The following CALN1 variants were observed in gnomAD, a reference collection of about 807,000 sequenced individuals.
CALN1 encodes calneuron 1, also known as calcium-binding protein 8.
A neutral mutation model predicts 30.6 loss-of-function variants in CALN1; 17 were observed. That is an observed-to-expected ratio of 0.56 (90% CI 0.38 to 0.83). CALN1 has a LOEUF of 0.83. CALN1 is among the 40% of genes least tolerant of loss of function. The pLI is 0.00. For synonymous variants in CALN1, 156 were observed against 131.4 expected (o/e 1.19, Z -1.28); for missense variants, 291 against 354.9 (o/e 0.82, Z 1.45).
intron 5 of CALN1, among the ~76,000 whole-genome samples, chr7:71,839,910 C>A (rs968076121): frequency 6.6e-6 from 1 of 152,098 alleles, no homozygotes; most frequent in Non-Finnish European, 1.5e-5. Flanking sequence ...GGAAGGTGGA[C>A]CCCTCTCTCT....
chr7:71,910,151 T>A (rs1794350388), intron 5 of CALN1, among the ~76,000 whole-genome samples: 1 of 152,118 alleles, frequency 6.6e-6, no homozygotes, highest in South Asian at 2.1e-4. Flanking sequence ...CAATTCAAGG[T>A]GAGATTTGGA....
rs142943424 is a variant in CALN1, at chr7:72,075,544, G to A, written c.388+30607C>T. On this transcript the variant is annotated intron_variant, in intron 4 of 6. Coordinates refer to ENST00000395275, the MANE Select transcript of CALN1 (RefSeq NM_031468.4). ...CTTACTCTACAGCCTACCCTGAAGGGTGACGGCCACAGAGAAAGTGCTCAG... is the reference window on the plus strand; with the variant it reads ...CTTACTCTACAGCCTACCCTGAAGGATGACGGCCACAGAGAAAGTGCTCAG... Among the ~76,000 whole-genome samples the A allele has an allele frequency of 4.5e-3, 679 of 152,274 alleles. 3 individuals carry two copies. Among genetic ancestry groups the A allele is most frequent in the African/African-American group, 0.016 (651 of 41,546 alleles).
intron 3 of CALN1, among the ~76,000 whole-genome samples, chr7:72,211,269 T>C (rs550551781): frequency 2.0e-5 from 3 of 152,226 alleles, no homozygotes; most frequent in East Asian, 3.9e-4. Context: ...CTGGGCCAGG[T>C]AGAGTTCCTC....
chr7:72,178,265 T>G (rs1789508983), intron 3 of CALN1, among the ~76,000 whole-genome samples: 1 of 152,196 alleles, frequency 6.6e-6, no homozygotes, highest in African/African-American at 2.4e-5. Context: ...GAGAATTATT[T>G]CAGCTTGACA....
At chr7:72,077,254 A>T (rs1179598921) in intron 4 of CALN1, among the ~76,000 whole-genome samples, 1 of 151,918 alleles carries the variant, frequency 6.6e-6, no homozygotes, top group Non-Finnish European at 1.5e-5. Context: ...AGCTGGGGCA[A>T]AGAAGGAATA....
At chr7:72,422,854 C>T (rs75998851) in intron 1 of CALN1, among the ~76,000 whole-genome samples, 2,203 of 152,274 alleles carry the variant, frequency 0.014, 33 homozygotes, top group Non-Finnish European at 0.021. Flanking sequence ...TTTGGCTGAG[C>T]GCATCGGCTC....
intron 3 of CALN1, among the ~76,000 whole-genome samples, chr7:72,128,476 C>G (rs11974003): frequency 0.31 from 47,141 of 152,020 alleles, 7,802 homozygotes; most frequent in Non-Finnish European, 0.35. Flanking sequence ...ACTCATAATT[C>G]CTATTACAAA....
intron 2 of CALN1, among the ~76,000 whole-genome samples, chr7:72,386,706 G>A (rs573101683): frequency 6.6e-6 from 1 of 152,226 alleles, no homozygotes; most frequent in African/African-American, 2.4e-5. Context: ...TGTAATCATA[G>A]CTCACTGCAA....
intron 2 of CALN1, among the ~76,000 whole-genome samples, chr7:72,355,159 C>T (rs919812921): frequency 3.3e-5 from 5 of 152,288 alleles, no homozygotes; most frequent in South Asian, 2.1e-4. Context: ...CCGCCCACCT[C>T]GGTCTCCCAA....
chr7:72,206,674 T>C (rs201245678), intron 3 of CALN1, among the ~76,000 whole-genome samples: 2 of 86,676 alleles, frequency 2.3e-5, no homozygotes, highest in African/African-American at 6.5e-5. Context: ...AGGCTAAAAT[T>C]TGTTTTTGTT....
intron 5 of CALN1, among the ~76,000 whole-genome samples, chr7:71,857,696 C>T (rs763348791): frequency 2.0e-5 from 3 of 152,136 alleles, no homozygotes; most frequent in Non-Finnish European, 4.4e-5. Context: ...AAGGGCTCTG[C>T]GATCCTTCAT....
At chr7:71,946,367 CTTT>C (rs34207419) in intron 5 of CALN1, among the ~76,000 whole-genome samples, 13 of 128,652 alleles carry the variant, frequency 1.0e-4, no homozygotes, top group Admixed American at 2.5e-4. Context: ...TTCTTTCTTT[CTTT>C]TTTTTTTTTT....
chr7:72,213,692 G>C (rs954154252), intron 3 of CALN1, among the ~76,000 whole-genome samples: 9 of 152,188 alleles, frequency 5.9e-5, no homozygotes, highest in African/African-American at 2.2e-4. Context: ...GGACAGAGGG[G>C]ATGGCAGCTC....
At chr7:72,315,439 C>G (rs1034408955) in intron 2 of CALN1, among the ~76,000 whole-genome samples, 36 of 152,066 alleles carry the variant, frequency 2.4e-4, no homozygotes, top group Non-Finnish European at 4.9e-4. Flanking sequence ...AACACAAAAC[C>G]ACTTTAGCTG....
chr7:71,914,767 T>C (rs1248620995), intron 5 of CALN1, among the ~76,000 whole-genome samples: 2 of 152,170 alleles, frequency 1.3e-5, no homozygotes, highest in Admixed American at 6.5e-5. Context: ...TGTCTCATTG[T>C]AGTTTTGATC....
At position 72,402,231 on chromosome 7, in the gene CALN1, CAAGTT is replaced by C. The variant is rs569638379; in HGVS notation, c.119+1015_119+1019del. Reference sequence around the variant, plus strand: ...CTCCTGCCCTTGACTTCTCAAATGTCAAGTTGTGTTGGAGAAGATTCTGAACAGAG... The same window carrying C: ...CTCCTGCCCTTGACTTCTCAAATGTCGTGTTGGAGAAGATTCTGAACAGAG... On this transcript the variant is annotated intron_variant, in intron 2 of 6. Transcript: ENST00000395275. Among the ~76,000 whole-genome samples, 91 of 152,348 alleles carry C rather than the reference CAAGTT, an allele frequency of 6.0e-4. 3 individuals are homozygous for C. In the South Asian group the frequency reaches 0.018, roughly 30 times the overall value.
chr7:72,376,909 A>G (rs1245864295), intron 2 of CALN1, among the ~76,000 whole-genome samples: 1 of 152,196 alleles, frequency 6.6e-6, no homozygotes, highest in Non-Finnish European at 1.5e-5. Context: ...GCATGTGGAC[A>G]TTCAGTTGTC....
At chr7:72,264,560 C>T (rs1167919585) in intron 3 of CALN1, among the ~76,000 whole-genome samples, 3 of 151,110 alleles carry the variant, frequency 2.0e-5, no homozygotes, top group African/African-American at 7.3e-5. Context: ...GTGGTGCGAT[C>T]ATAGCTCATT....
chr7:72,109,170 T>C lies in CALN1; in HGVS notation c.245-2876A>G, dbSNP rs190444134. The stretch of plus-strand genomic sequence containing the variant: ...TAAGGATCATATATTAGTAGTAAAT[T>C]CATTATCAATACTAATCCAGCATGC... On this transcript the variant is annotated intron_variant, in intron 3 of 6. Coordinates refer to ENST00000395275, the MANE Select transcript of CALN1 (RefSeq NM_031468.4). Among the ~76,000 whole-genome samples, 26 of 152,310 alleles carry C rather than the reference T, an allele frequency of 1.7e-4. 1 individual carries two copies. The South Asian group carries it at 2.7e-3, about 16-fold the overall frequency.
Sources: gnomAD v4.1 joint callset for allele counts (sites outside exome capture counted in the v4.1 genomes callset) on GRCh38, gnomAD v4.1.1 for gene constraint, MANE v1.5 for transcripts, NCBI Gene and HGNC (gene_info 2026-07-23, HGNC 2026-07-21) for gene names.